TDRD1: variants seen among roughly 807,000 people sequenced by gnomAD.
The protein encoded by TDRD1 is tudor domain containing 1.
Under a neutral mutation model 140.6 loss-of-function variants are expected in TDRD1, and 37 were observed. The observed-to-expected ratio is 0.26, with a 90% CI of 0.20 to 0.35. The LOEUF (loss-of-function observed/expected upper bound fraction) is 0.35, where lower values mean the gene tolerates loss of function less well. Among genes scored for constraint, TDRD1 ranks in the 10% least tolerant of loss-of-function variants. The pLI, the probability that TDRD1 is intolerant of heterozygous loss-of-function variation, is 1.00. For synonymous variants in TDRD1, 506 were observed against 475.7 expected (o/e 1.06, Z -0.83); for missense variants, 1,243 against 1,393.0 (o/e 0.89, Z 1.71).
intron 3 of TDRD1, among the ~76,000 whole-genome samples, chr10:114,192,963 C>T (rs1234267475): frequency 6.6e-6 from 1 of 152,178 alleles, no homozygotes; most frequent in African/African-American, 2.4e-5. Context: ...AGAATAATCT[C>T]ATCTCTACAA....
intron 18 of TDRD1, among the ~76,000 whole-genome samples, chr10:114,218,821 C>A (rs776877960): frequency 6.6e-6 from 1 of 152,212 alleles, no homozygotes; most frequent in South Asian, 2.1e-4. Flanking sequence ...AAGGCATTGG[C>A]AGGATTCCTT....
upstream of TDRD1, among the ~76,000 whole-genome samples, chr10:114,176,252 G>C (rs1260951039): frequency 6.6e-6 from 1 of 151,102 alleles, no homozygotes; most frequent in East Asian, 1.9e-4. The surrounding 1 kb of genome is among the most constrained non-coding windows in gnomAD (Gnocchi z 4.2). Context: ...CACCTGTGAA[G>C]TATTCCTGCC....
intron 20 of TDRD1, 31 bp from the exon 21 acceptor site, chr10:114,222,556 C>A: frequency 7.0e-7 from 1 of 1,433,556 alleles, no homozygotes; most frequent in South Asian, 1.2e-5. Flanking sequence ...TGGAAATTTT[C>A]TTCACAAAAG....
exon 15 of TDRD1, chr10:114,213,458 C>T: frequency 6.2e-7 from 1 of 1,613,952 alleles, no homozygotes; most frequent in Non-Finnish European, 8.5e-7. Context: ...AAAACAGTTC[C>T]CTGGTGGAGC....
At chr10:114,201,385 C>T in intron 4 of TDRD1, 25 bp from the exon 5 acceptor site, 1 of 1,581,360 alleles carries the variant, frequency 6.3e-7, no homozygotes, top group African/African-American at 1.3e-5. Flanking sequence ...TTCATCTGAA[C>T]TATTTTGTGG....
intron 1 of TDRD1, among the ~76,000 whole-genome samples, chr10:114,180,273 A>C (rs146158342): frequency 7.9e-5 from 12 of 152,280 alleles, no homozygotes; most frequent in African/African-American, 2.9e-4. Flanking sequence ...TTCGTCTCTC[A>C]TTTAATTCTC....
intron 16 of TDRD1, among the ~76,000 whole-genome samples, chr10:114,216,748 A>T (rs972232022): frequency 2.6e-5 from 4 of 152,242 alleles, no homozygotes; most frequent in Admixed American, 1.3e-4. Flanking sequence ...ACAATCCCCC[A>T]GCAGCAGAGT....
At chr10:114,216,160 CAA>C (rs1231880540) in intron 16 of TDRD1, among the ~76,000 whole-genome samples, 2 of 152,196 alleles carry the variant, frequency 1.3e-5, no homozygotes, top group Non-Finnish European at 1.5e-5. Flanking sequence ...TTTGTCGCAA[CAA>C]AGAGACCAAC....
chr10:114,231,801 C>T (rs755791224), exon 26 of TDRD1: 14 of 334,536 alleles, frequency 4.2e-5, no homozygotes, highest in South Asian at 6.8e-5. Flanking sequence ...TTAAAGGTAC[C>T]GAAGGAAGGC....
intron 3 of TDRD1, among the ~76,000 whole-genome samples, chr10:114,198,630 G>A (rs2034526663): frequency 6.6e-6 from 1 of 152,292 alleles, no homozygotes; most frequent in African/African-American, 2.4e-5. Context: ...CCTTTGGCTA[G>A]CAGAGCAGGT....
chr10:114,224,053 A>C (rs2036299703), intron 21 of TDRD1, among the ~76,000 whole-genome samples: 1 of 152,106 alleles, frequency 6.6e-6, no homozygotes, highest in African/African-American at 2.4e-5. Context: ...TTGGATCCCC[A>C]ACTTCCCTTT....
At chr10:114,218,462 G>A in exon 18 of TDRD1, 2 of 1,609,280 alleles carry the variant, frequency 1.2e-6, no homozygotes, top group Middle Eastern at 1.7e-4. Flanking sequence ...TTACCAAATG[G>A]ACATGTTAAA....
intron 1 of TDRD1, among the ~76,000 whole-genome samples, chr10:114,182,368 GT>G (rs2033140232): frequency 6.6e-6 from 1 of 152,240 alleles, no homozygotes. Flanking sequence ...CCTGAATAGG[GT>G]GAGTCCTTCA....
chr10:114,226,125 A>G (rs868733340), exon 22 of TDRD1: 3 of 1,614,050 alleles, frequency 1.9e-6, no homozygotes, highest in Middle Eastern at 1.6e-4. Flanking sequence ...CAGACTATGG[A>G]AACATTGAAA....
chr10:114,218,593 T>A lies in TDRD1; in HGVS notation c.2494+9T>A. 6.4e-7 allele frequency: 1 copy of A among 1,573,172 alleles called. No homozygotes were observed. The highest frequency in any genetic ancestry group is 8.7e-7 in the Non-Finnish European group (1 of 1,155,772). ...ACGGTGCCAGTTAGCAGGTATGGTATACAATAAGAAACTTTCTCAACTTTC... is the reference window on the plus strand; with the variant it reads ...ACGGTGCCAGTTAGCAGGTATGGTAAACAATAAGAAACTTTCTCAACTTTC... On this transcript the variant is annotated intron_variant, in intron 18 of 25. Transcript: ENST00000251864.
chr10:114,182,237 G>A (rs894258527), intron 1 of TDRD1, among the ~76,000 whole-genome samples: 4 of 152,152 alleles, frequency 2.6e-5, no homozygotes, highest in African/African-American at 9.7e-5. Context: ...GCTGGGAAGG[G>A]GAACCATTTT....
chr10:114,185,797 C>T (rs553709352), intron 1 of TDRD1, among the ~76,000 whole-genome samples: 1 of 151,842 alleles, frequency 6.6e-6, no homozygotes, highest in Non-Finnish European at 1.5e-5. Flanking sequence ...CCATGTTGTC[C>T]AGGCTGGTCT....
intron 3 of TDRD1, among the ~76,000 whole-genome samples, chr10:114,196,831 G>GTTTTTTTT (rs1301969120): frequency 1.2e-4 from 7 of 57,138 alleles, no homozygotes; most frequent in Admixed American, 3.6e-4. Flanking sequence ...GTTTCTAGCA[G>GTTTTTTTT]TCTTTTTTTT....
At chr10:114,229,253 A>C (rs188929749) in intron 25 of TDRD1, among the ~76,000 whole-genome samples, 2 of 152,358 alleles carry the variant, frequency 1.3e-5, no homozygotes, top group East Asian at 3.9e-4. Flanking sequence ...GTTTGGAAAT[A>C]GTTCAAGAGG....
Sources: allele counts gnomAD v4.1 joint callset (sites outside exome capture counted in the v4.1 genomes callset), GRCh38; gene constraint gnomAD v4.1.1; non-coding constraint Gnocchi (gnomAD v3.1); transcripts MANE v1.5; gene names NCBI Gene and HGNC (gene_info 2026-07-23, HGNC 2026-07-21).